AGBL4: variants seen among roughly 807,000 people sequenced by gnomAD.
The protein encoded by AGBL4 is AGBL carboxypeptidase 4, also known as cytosolic carboxypeptidase 6.
Under a neutral mutation model 66.4 loss-of-function variants are expected in AGBL4, and 58 were observed. The observed-to-expected ratio is 0.87, with a 90% CI of 0.71 to 1.09. The LOEUF is 1.09. Among genes scored for constraint, AGBL4 ranks in the 50% least tolerant of loss-of-function variants. The pLI is 0.00. For synonymous variants in AGBL4, 234 were observed against 222.9 expected (o/e 1.05, Z -0.44); for missense variants, 579 against 631.0 (o/e 0.92, Z 0.88).
At chr1:49,660,613 A>C (rs1385592104) in intron 3 of AGBL4, among the ~76,000 whole-genome samples, 1 of 152,190 alleles carries the variant, frequency 6.6e-6, no homozygotes, top group Non-Finnish European at 1.5e-5. Flanking sequence ...ATATACCCAA[A>C]GGAATATAAA....
chr1:49,127,295 G>A (rs1403774272), intron 4 of AGBL4, among the ~76,000 whole-genome samples: 1 of 152,104 alleles, frequency 6.6e-6, no homozygotes, highest in African/African-American at 2.4e-5. Flanking sequence ...GAAAGGATGG[G>A]AAGCGAGTGA....
chr1:49,239,101 T>C (rs962437729), intron 4 of AGBL4, among the ~76,000 whole-genome samples: 11 of 152,190 alleles, frequency 7.2e-5, no homozygotes, highest in Admixed American at 7.2e-4. Context: ...ATATTTGTTT[T>C]TGAAAACTTG....
At chr1:49,998,139 G>A (rs1008021882) in intron 1 of AGBL4, among the ~76,000 whole-genome samples, 9 of 151,648 alleles carry the variant, frequency 5.9e-5, no homozygotes, top group Middle Eastern at 3.4e-3. Flanking sequence ...AAACAGATAA[G>A]TGAAACAAAA....
At position 49,207,470 on chromosome 1, in the gene AGBL4, C is replaced by T. The variant is rs171347; in HGVS notation, c.377+38300G>A. ...TCTTTCTTTCTTTTTCTTTCTTTCT[C>T]TTTCTTTCTTTTTCTTTCTTTCTTT... On this transcript the variant is annotated intron_variant, in intron 4 of 13. Transcript: ENST00000371839. 3.9e-3 allele frequency among the ~76,000 whole-genome samples: 103 copies of T among 26,620 alleles called. 1 individual carries two copies. Among genetic ancestry groups the T allele is most frequent in the East Asian group, 0.016 (15 of 910 alleles). The allele number at this position is 26,620 out of a possible 152,430, so 17.5% of individuals were successfully genotyped here. A position where few individuals can be genotyped will look rare whatever the true frequency, so the allele number is the denominator to read the frequency against.
At chr1:48,647,721 G>T (rs1376424447) in intron 8 of AGBL4, 12 of 363,866 alleles carry the variant, frequency 3.3e-5, no homozygotes, top group Admixed American at 2.6e-4. Flanking sequence ...GCGCCGTGGG[G>T]TATAGGTGGG....
At chr1:49,677,469 T>C (rs930191483) in intron 3 of AGBL4, among the ~76,000 whole-genome samples, 4 of 152,108 alleles carry the variant, frequency 2.6e-5, no homozygotes, top group African/African-American at 9.7e-5. Flanking sequence ...TGGTATATAA[T>C]TCTTTTTATA....
intron 3 of AGBL4, among the ~76,000 whole-genome samples, chr1:49,426,509 A>G (rs574212601): frequency 6.6e-6 from 1 of 152,330 alleles, no homozygotes; most frequent in African/African-American, 2.4e-5. Flanking sequence ...AATATTAATA[A>G]TAATTAATAA....
At chr1:49,211,460 A>C (rs1648663026) in intron 4 of AGBL4, among the ~76,000 whole-genome samples, 1 of 152,116 alleles carries the variant, frequency 6.6e-6, no homozygotes, top group South Asian at 2.1e-4. Flanking sequence ...TAAAATAGGG[A>C]TAACAATCTT....
chr1:49,921,235 A>T (rs1377111862), intron 1 of AGBL4, among the ~76,000 whole-genome samples: 1 of 152,146 alleles, frequency 6.6e-6, no homozygotes, highest in Non-Finnish European at 1.5e-5. Context: ...AACTCAAAGT[A>T]TAACTTTTAA....
intron 2 of AGBL4, among the ~76,000 whole-genome samples, chr1:49,700,036 T>C: frequency 6.6e-6 from 1 of 151,774 alleles, no homozygotes; most frequent in East Asian, 1.9e-4. Context: ...AATAATTTTT[T>C]AAATACAAGA....
chr1:49,331,605 C>T (rs906345624), intron 3 of AGBL4, among the ~76,000 whole-genome samples: 6 of 151,994 alleles, frequency 3.9e-5, no homozygotes, highest in Non-Finnish European at 8.8e-5. Flanking sequence ...GCCTCCCAGC[C>T]TGGCCTCCAG....
chr1:49,193,658 G>A (rs1224020524), intron 4 of AGBL4, among the ~76,000 whole-genome samples: 1 of 151,758 alleles, frequency 6.6e-6, no homozygotes, highest in Non-Finnish European at 1.5e-5. Context: ...GTCCAGAGTA[G>A]CTGGGACTAC....
chr1:49,169,359 C>T (rs1357082428), intron 4 of AGBL4, among the ~76,000 whole-genome samples: 1 of 152,138 alleles, frequency 6.6e-6, no homozygotes, highest in Non-Finnish European at 1.5e-5. Context: ...TTATTCCTTG[C>T]TGAATGGATT....
intron 8 of AGBL4, among the ~76,000 whole-genome samples, chr1:48,648,438 T>C (rs1411141618): frequency 6.6e-6 from 1 of 152,188 alleles, no homozygotes; most frequent in African/African-American, 2.4e-5. Context: ...GGAAGGTGCC[T>C]TTCATCCCAC....
intron 4 of AGBL4, among the ~76,000 whole-genome samples, chr1:49,178,080 T>C (rs1173885243): frequency 6.6e-6 from 1 of 152,136 alleles, no homozygotes; most frequent in Non-Finnish European, 1.5e-5. Flanking sequence ...AGTCAGTGTA[T>C]TTAGCAGGGT....
intron 5 of AGBL4, among the ~76,000 whole-genome samples, chr1:48,884,061 T>C (rs1277958864): frequency 1.3e-5 from 2 of 152,212 alleles, no homozygotes; most frequent in African/African-American, 2.4e-5. Context: ...GGACAAAGTA[T>C]GGGCTTTGCA....
intron 2 of AGBL4, among the ~76,000 whole-genome samples, chr1:49,743,762 A>G (rs1335279052): frequency 6.6e-6 from 1 of 152,086 alleles, no homozygotes; most frequent in Non-Finnish European, 1.5e-5. Flanking sequence ...AGGGCCATGG[A>G]TGAAGCTGGA....
intron 6 of AGBL4, among the ~76,000 whole-genome samples, chr1:48,865,021 G>A (rs6659317): frequency 0.89 from 134,984 of 151,748 alleles, 60,618 homozygotes; most frequent in Non-Finnish European, 0.96. Flanking sequence ...CAAATTCCTG[G>A]TCAGCATTTC....
intron 2 of AGBL4, among the ~76,000 whole-genome samples, chr1:49,751,974 T>A (rs1185386307): frequency 1.3e-5 from 2 of 152,054 alleles, no homozygotes; most frequent in African/African-American, 4.8e-5. Flanking sequence ...CTTTTCTTTT[T>A]TTTTTTTAGT....
Sources: allele counts gnomAD v4.1 joint callset (sites outside exome capture counted in the v4.1 genomes callset), GRCh38; gene constraint gnomAD v4.1.1; transcripts MANE v1.5; gene names NCBI Gene and HGNC (gene_info 2026-07-23, HGNC 2026-07-21).